The following CDC42 variants were observed in gnomAD, a reference collection of about 807,000 sequenced individuals.
CDC42 encodes the protein cell division cycle 42.
CDC42 carries 1 observed loss-of-function variant against 20.8 expected under a neutral mutation model. The observed-to-expected ratio is 0.05, with a 90% CI of 0.02 to 0.23. CDC42 has a LOEUF of 0.23. CDC42 is among the 10% of genes least tolerant of loss of function. The pLI, the probability that CDC42 is intolerant of heterozygous loss-of-function variation, is 1.00. For synonymous variants in CDC42, 72 were observed against 84.8 expected (o/e 0.85, Z 0.83); for missense variants, 49 against 227.9 (o/e 0.21, Z 5.05).
At chr1:22,065,147 C>T (rs1268206896) in intron 1 of CDC42, among the ~76,000 whole-genome samples, 3 of 152,230 alleles carry the variant, frequency 2.0e-5, no homozygotes. Flanking sequence ...CCCAAAATCA[C>T]ACAAGAATGG....
At chr1:22,055,760 A>G (rs1645298413) in intron 1 of CDC42, among the ~76,000 whole-genome samples, 1 of 151,942 alleles carries the variant, frequency 6.6e-6, no homozygotes, top group Admixed American at 6.6e-5. Flanking sequence ...AAGTGCTGGG[A>G]TATAGGCATG....
intron 1 of CDC42, 45 bp from the exon 2 acceptor site, chr1:22,078,384 C>A: frequency 1.1e-6 from 1 of 908,900 alleles, no homozygotes; most frequent in Non-Finnish European, 1.7e-6. Context: ...GAAGAAAAAT[C>A]CATATGTAAG....
At chr1:22,067,653 T>C (rs1174167823) in intron 1 of CDC42, among the ~76,000 whole-genome samples, 2 of 152,120 alleles carry the variant, frequency 1.3e-5, no homozygotes, top group Non-Finnish European at 2.9e-5. Context: ...ACCAGTTTGT[T>C]CCTTTTTGCT....
chr1:22,072,299 A>T (rs193158103), intron 1 of CDC42, among the ~76,000 whole-genome samples: 1 of 151,714 alleles, frequency 6.6e-6, no homozygotes, highest in African/African-American at 2.4e-5. Flanking sequence ...GGGTTTCGCC[A>T]TGTTAGCCAG....
At chr1:22,061,939 T>C (rs774795641) in intron 1 of CDC42, among the ~76,000 whole-genome samples, 1 of 151,768 alleles carries the variant, frequency 6.6e-6, no homozygotes, top group Non-Finnish European at 1.5e-5. Context: ...TTTTATTTTA[T>C]TTATTTCTTT....
intron 1 of CDC42, among the ~76,000 whole-genome samples, chr1:22,062,071 G>C (rs1040682162): frequency 5.9e-5 from 9 of 151,932 alleles, no homozygotes; most frequent in Non-Finnish European, 1.2e-4. Flanking sequence ...GAGTAGCTGG[G>C]ACTACAGGCA....
chr1:22,079,295 C>T (rs565330992), intron 2 of CDC42, among the ~76,000 whole-genome samples: 9 of 152,054 alleles, frequency 5.9e-5, no homozygotes, highest in South Asian at 2.1e-4. Flanking sequence ...CCCGCCACCA[C>T]GCCTTTCTAA....
chr1:22,082,255 T>C (rs1340840582), intron 3 of CDC42, among the ~76,000 whole-genome samples: 1 of 151,882 alleles, frequency 6.6e-6, no homozygotes, highest in Non-Finnish European at 1.5e-5. Flanking sequence ...ACAGTATTTA[T>C]TATTATTACT....
In CDC42 at chr1:22,101,310, A is replaced by G. The variant is rs1196230402; in HGVS notation, c.*9793A>G. On this transcript the variant is annotated 3_prime_UTR_variant, in exon 6 of 6. Transcript: ENST00000656825. Reference sequence around the variant, plus strand: ...CCAGAGTTTCCTTGGGCAAGTTGCCATACCTTTTTGGGCCTTGGTTTCCTC... The same window carrying G: ...CCAGAGTTTCCTTGGGCAAGTTGCCGTACCTTTTTGGGCCTTGGTTTCCTC... 1 of 152,214 alleles carries G rather than the reference A, an allele frequency of 6.6e-6. No homozygotes were observed. Among genetic ancestry groups the G allele is most frequent in the African/African-American group, 2.4e-5 (1 of 41,450 alleles). 9.4% of individuals were successfully genotyped at this position (152,214 alleles called of 1,614,324 possible).
chr1:22,056,843 A>G (rs541824576), intron 1 of CDC42, among the ~76,000 whole-genome samples: 1 of 152,388 alleles, frequency 6.6e-6, no homozygotes, highest in South Asian at 2.1e-4. Flanking sequence ...AGAAAACTAT[A>G]TTGTTCAGCC....
At chr1:22,074,024 T>TA (rs1229932856) in intron 1 of CDC42, 1 of 152,226 alleles carries the variant, frequency 6.6e-6, no homozygotes, top group Non-Finnish European at 1.5e-5. Context: ...ACTTCACTGT[T>TA]AAAAAGAGGT....
rs959701175 is a variant in CDC42 at position 22,098,491 on chromosome 1, T to C, written c.*6974T>C. Among the ~76,000 whole-genome samples the C allele has an allele frequency of 1.3e-5, 2 of 152,208 alleles. No individual in the cohort carries two copies. Among genetic ancestry groups the C allele is most frequent in the African/African-American group, 2.4e-5 (1 of 41,454 alleles). ...TGGTGATAGAACCTTTTTGAAACTT[T>C]GAAAAAGTTAAAAGGGTTCTGTGTA... On this transcript the variant is annotated 3_prime_UTR_variant, in exon 6 of 6. Coordinates refer to ENST00000656825, the MANE Select transcript of CDC42 (RefSeq NM_001791.4).
chr1:22,065,580 G>A (rs564247295), intron 1 of CDC42, among the ~76,000 whole-genome samples: 7 of 152,262 alleles, frequency 4.6e-5, no homozygotes, highest in African/African-American at 1.7e-4. Context: ...TCTCTGCTAG[G>A]TGGTGTGTGT....
At position 22,097,677 on chromosome 1, in the gene CDC42, G is replaced by GGTA. The variant is rs1645766656; in HGVS notation, c.*6160_*6161insGTA. On this transcript the variant is annotated 3_prime_UTR_variant, in exon 6 of 6. Transcript: ENST00000656825. ...TAATTTGTGCATTAGAACTAGCTTG[G>GGTA]AACAGAATGGGTAAACTTCTGTGAA... 6.6e-6 allele frequency among the ~76,000 whole-genome samples: 1 copy of GGTA among 152,226 alleles called. No individual in the cohort carries two copies. The highest frequency in any genetic ancestry group is 1.5e-5 in the Non-Finnish European group (1 of 68,036).
intron 1 of CDC42, chr1:22,053,197 G>A (rs1645256007): frequency 6.6e-6 from 1 of 151,230 alleles, no homozygotes; most frequent in Non-Finnish European, 1.5e-5. Context: ...GCTGCGTTCC[G>A]TGCCCTGCGC....
chr1:22,084,348 T>TTG (rs1645639227), intron 3 of CDC42, among the ~76,000 whole-genome samples: 2 of 149,176 alleles, frequency 1.3e-5, no homozygotes, highest in South Asian at 2.1e-4. Context: ...TTTTTTTTTT[T>TTG]TTTTTTTTTT....
chr1:22,078,996 A>G lies in CDC42; in HGVS notation c.105+413A>G. The G allele has an allele frequency of 1.7e-5, 8 of 463,626 alleles. No homozygotes were observed. In the South Asian group the frequency reaches 1.9e-4, roughly 11 times the overall value. The allele number at this position is 463,626 out of a possible 1,614,324, so 28.7% of individuals were successfully genotyped here. The stretch of plus-strand genomic sequence containing the variant: ...TTGAGAGAAAGTAGTATGTGTCTCC[A>G]CTTTTCTTGTGGAGCTGTTCGCTTA... On this transcript the variant is annotated intron_variant, in intron 2 of 5. Coordinates refer to ENST00000656825, the MANE Select transcript of CDC42 (RefSeq NM_001791.4).
chr1:22,086,905 A>T, intron 5 of CDC42, 39 bp downstream of exon 5: 2 of 1,533,384 alleles, frequency 1.3e-6, no homozygotes, highest in Non-Finnish European at 1.8e-6. Context: ...TTTATGGTCG[A>T]GTCATTTATT....
Position 22,093,648 on chromosome 1 carries a change from T to C in CDC42, c.*2131T>C, listed in dbSNP as rs998121121. On this transcript the variant is annotated 3_prime_UTR_variant, in exon 6 of 6. Transcript: ENST00000656825. ...CATACTGTGCTAGAATTAAGCTGGG[T>C]TGGTTGAGAAGGGGTTAGGAAGAGG... 9.2e-5 allele frequency among the ~76,000 whole-genome samples: 14 copies of C among 152,122 alleles called. No homozygotes were observed. The highest frequency in any genetic ancestry group is 3.1e-4 in the African/African-American group (13 of 41,414).
Sources: allele counts gnomAD v4.1 joint callset (sites outside exome capture counted in the v4.1 genomes callset), GRCh38; gene constraint gnomAD v4.1.1; transcripts MANE v1.5; gene names NCBI Gene and HGNC (gene_info 2026-07-23, HGNC 2026-07-21).